SH3GLB1: variants seen among roughly 807,000 people sequenced by gnomAD.
SH3GLB1 encodes endophilin-B1.
SH3GLB1 carries 17 observed loss-of-function variants against 42.0 expected under a neutral mutation model. That is an observed-to-expected ratio of 0.40 (90% CI 0.28 to 0.61). SH3GLB1 has a LOEUF of 0.61. SH3GLB1 is among the 20% of genes least tolerant of loss of function. SH3GLB1 has a pLI of 0.36. For missense variants in SH3GLB1, 355 were observed against 426.3 expected (o/e 0.83, Z 1.47); for synonymous variants, 132 against 146.6 (o/e 0.90, Z 0.72).
chr1:86,709,120 A>T (rs1654042905), intron 1 of SH3GLB1, among the ~76,000 whole-genome samples: 1 of 152,220 alleles, frequency 6.6e-6, no homozygotes, highest in Admixed American at 6.5e-5. Context: ...ATTCCAAATG[A>T]TGAGGTGGCA....
Position 86,735,141 on chromosome 1 carries a change from T to C in SH3GLB1, c.723T>C (p.Cys241=), listed in dbSNP as rs1655718386. ...VEAQMTYYAQ[C]YQYMLDLQKQ... is the part of the protein sequence containing the mutation. ...CCCAGATGACTTACTATGCACAGTGTTACCAGTATATGTTGGACCTCCAGA... is the reference window on the plus strand; with the variant it reads ...CCCAGATGACTTACTATGCACAGTGCTACCAGTATATGTTGGACCTCCAGA... The change falls in exon 7 of 9, where the codon TGT becomes TGC. Residue 241 remains cysteine, a synonymous_variant. Transcript: ENST00000370558. The C allele has an allele frequency of 1.2e-6, 2 of 1,612,878 alleles. No homozygotes were observed. Among genetic ancestry groups the C allele is most frequent in the Admixed American group, 3.3e-5 (2 of 60,010 alleles).
chr1:86,729,670 C>T (rs1460525520), intron 5 of SH3GLB1, among the ~76,000 whole-genome samples: 1 of 152,024 alleles, frequency 6.6e-6, no homozygotes, highest in East Asian at 1.9e-4. Flanking sequence ...TATTATATCT[C>T]CAGCTTATTG....
At chr1:86,722,458 C>T (rs1176771734) in intron 3 of SH3GLB1, 82 bp from the exon 4 acceptor site, 1 of 1,340,716 alleles carries the variant, frequency 7.5e-7, no homozygotes, top group East Asian at 2.4e-5. Context: ...TTTAAACAGA[C>T]CAAATTGCTG....
At chr1:86,740,182 T>C (rs1655989999) in intron 7 of SH3GLB1, among the ~76,000 whole-genome samples, 2 of 152,034 alleles carry the variant, frequency 1.3e-5, no homozygotes, top group South Asian at 4.1e-4. Context: ...TGATTGTTCT[T>C]TTTTCCTCTC....
At chr1:86,719,419 G>A (rs902059013) in intron 2 of SH3GLB1, 88 bp from the exon 3 acceptor site, 2 of 1,180,712 alleles carry the variant, frequency 1.7e-6, no homozygotes, top group African/African-American at 3.1e-5. Context: ...TTTAGGAGAT[G>A]ATAAATGGCT....
Position 86,747,968 on chromosome 1 carries a change from T to G in SH3GLB1, c.*4733T>G, listed in dbSNP as rs547375708. On this transcript the variant is annotated 3_prime_UTR_variant, in exon 9 of 9. Coordinates refer to ENST00000370558, the MANE Select transcript of SH3GLB1 (RefSeq NM_016009.5). Reference sequence around the variant, plus strand: ...TTTAAGTATATGGCCTTCCAGACTTTTCTGTGCATTTATAGATATTTTTAA... The same window carrying G: ...TTTAAGTATATGGCCTTCCAGACTTGTCTGTGCATTTATAGATATTTTTAA... 2 of 152,310 alleles carry G rather than the reference T, an allele frequency of 1.3e-5. No homozygotes were observed. Among genetic ancestry groups the G allele is most frequent in the Admixed American group, 6.5e-5 (1 of 15,304 alleles). 9.4% of individuals were successfully genotyped at this position (152,310 alleles called of 1,614,324 possible). A position where few individuals can be genotyped will look rare whatever the true frequency, so the allele number is the denominator to read the frequency against.
chr1:86,729,045 G>A (rs942436066), intron 5 of SH3GLB1, among the ~76,000 whole-genome samples: 1 of 152,144 alleles, frequency 6.6e-6, no homozygotes, highest in African/African-American at 2.4e-5. Flanking sequence ...AAAGAATAGA[G>A]AATGCAGATT....
intron 1 of SH3GLB1, among the ~76,000 whole-genome samples, chr1:86,706,684 C>G (rs1653885347): frequency 6.6e-6 from 1 of 152,244 alleles, no homozygotes; most frequent in East Asian, 1.9e-4. Context: ...GTGCTCATTA[C>G]CTATAATTCT....
In SH3GLB1 at chr1:86,704,980, G is replaced by T; in HGVS notation, c.72+9G>T. The stretch of plus-strand genomic sequence containing the variant: ...TCAGTCGCGCCGTGCAGGTACCCTG[G>T]TGCTGGGGGGAAAAGGGGTGGCGGC... On this transcript the variant is annotated intron_variant, in intron 1 of 8. Coordinates refer to ENST00000370558, the MANE Select transcript of SH3GLB1 (RefSeq NM_016009.5). 6.4e-7 allele frequency: 1 copy of T among 1,563,678 alleles called. No homozygotes were observed.
chr1:86,725,043 AAC>A (rs1209750515), intron 5 of SH3GLB1, among the ~76,000 whole-genome samples: 1 of 149,734 alleles, frequency 6.7e-6, no homozygotes, highest in African/African-American at 2.5e-5. Context: ...GCTGCTAAAA[AAC>A]AAAAATTATG....
At chr1:86,726,127 G>A (rs1655181768) in intron 5 of SH3GLB1, among the ~76,000 whole-genome samples, 1 of 152,014 alleles carries the variant, frequency 6.6e-6, no homozygotes, top group African/African-American at 2.4e-5. Flanking sequence ...AGGAAAAAAG[G>A]ATCATTTGGA....
rs1322661668 is a variant in SH3GLB1 at position 86,726,879 on chromosome 1, T to G, written c.570+2474T>G. 2.0e-5 allele frequency among the ~76,000 whole-genome samples: 3 copies of G among 151,996 alleles called. No homozygotes were observed. The East Asian group carries it at 5.8e-4, about 29-fold the overall frequency. On this transcript the variant is annotated intron_variant, in intron 5 of 8. Transcript: ENST00000370558. ...GAGTTTGCTTTTTTTTTCCTTTCTT[T>G]GATACATTTCCTGGTTCCTAGTTGG...
rs1360144651 is a variant in SH3GLB1 at position 86,746,859 on chromosome 1, C to T, written c.*3624C>T. On this transcript the variant is annotated 3_prime_UTR_variant, in exon 9 of 9. Transcript: ENST00000370558. ...CTCCAACCTGGGTGATAGAATAAGA[C>T]TCTTGTCTCAAGGAAAGAAAAAATG... The T allele has an allele frequency of 6.6e-6, 1 of 152,198 alleles. No homozygotes were observed. The highest frequency in any genetic ancestry group is 1.5e-5 in the Non-Finnish European group (1 of 68,034). The allele number at this position is 152,198 out of a possible 1,614,324, so 9.4% of individuals were successfully genotyped here.
At chr1:86,738,836 G>A (rs566696385) in intron 7 of SH3GLB1, 2 of 152,164 alleles carry the variant, frequency 1.3e-5, no homozygotes, top group African/African-American at 4.8e-5. Context: ...TAGAAAAGGG[G>A]TTTCACCATG....
rs370562019 is a variant in SH3GLB1 at position 86,712,764 on chromosome 1, TAAAAAA to T, written c.73-2953_73-2948del. On this transcript the variant is annotated intron_variant, in intron 1 of 8. Coordinates refer to ENST00000370558, the MANE Select transcript of SH3GLB1 (RefSeq NM_016009.5). ...CATGTATCTTCTGAACTAAAATAGT[TAAAAAA>T]AAAAAACCTACTAATTGTGTGTGTT... 1.3e-4 allele frequency among the ~76,000 whole-genome samples: 19 copies of T among 146,464 alleles called. No individual in the cohort carries two copies. The East Asian group carries it at 2.6e-3, about 20-fold the overall frequency.
At chr1:86,737,087 T>A (rs1029367136) in intron 7 of SH3GLB1, among the ~76,000 whole-genome samples, 3 of 152,200 alleles carry the variant, frequency 2.0e-5, no homozygotes. Context: ...AACTTTATAA[T>A]CCTCACCACC....
intron 5 of SH3GLB1, chr1:86,730,100 G>T (rs750063887): frequency 1.1e-5 from 17 of 1,596,080 alleles, no homozygotes; most frequent in Non-Finnish European, 1.5e-5. Context: ...TTGGGCAGAG[G>T]AGGTGACAAA....
rs562443158 is a variant in SH3GLB1, at chr1:86,724,762, T to C, written c.570+357T>C. 6.5e-4 allele frequency among the ~76,000 whole-genome samples: 98 copies of C among 151,084 alleles called. No homozygotes were observed. In the South Asian group the frequency reaches 0.012, roughly 18 times the overall value. Reference sequence around the variant, plus strand: ...GGTGGCACCCACCTGTAGTCCCAGCTACTCAGGAGGCTGAGATGGGAGAAT... The same window carrying C: ...GGTGGCACCCACCTGTAGTCCCAGCCACTCAGGAGGCTGAGATGGGAGAAT... On this transcript the variant is annotated intron_variant, in intron 5 of 8. Transcript: ENST00000370558.
Position 86,744,389 on chromosome 1 carries a change from A to G in SH3GLB1, c.*1154A>G, listed in dbSNP as rs1656202682. ...ATACTGTCCTGAACAATATGCACAC[A>G]GTTCTTGCCCCTGCAGAGCTTAAAG... On this transcript the variant is annotated 3_prime_UTR_variant, in exon 9 of 9. Transcript: ENST00000370558. 1 of 152,224 alleles carries G rather than the reference A, an allele frequency of 6.6e-6. No individual in the cohort carries two copies. 9.4% of individuals were successfully genotyped at this position (152,224 alleles called of 1,614,324 possible).
Sources: gnomAD v4.1 joint callset for allele counts (sites outside exome capture counted in the v4.1 genomes callset) on GRCh38, gnomAD v4.1.1 for gene constraint, MANE v1.5 for transcripts, NCBI Gene and HGNC (gene_info 2026-07-23, HGNC 2026-07-21) for gene names.